NTM: variants seen among roughly 807,000 people sequenced by gnomAD.
NTM encodes the protein neurotrimin.
A neutral mutation model predicts 42.1 loss-of-function variants in NTM; 13 were observed. That is an observed-to-expected ratio of 0.31 (90% CI 0.20 to 0.49). The LOEUF (loss-of-function observed/expected upper bound fraction) is 0.49. Among genes scored for constraint, NTM ranks in the 20% least tolerant of loss-of-function variants. The pLI, the probability that NTM is intolerant of heterozygous loss-of-function variation, is 0.99. For missense variants in NTM, 373 were observed against 452.8 expected (o/e 0.82, Z 1.60); for synonymous variants, 187 against 179.2 (o/e 1.04, Z -0.35).
intron 1 of NTM, among the ~76,000 whole-genome samples, chr11:131,894,610 G>T (rs984878726): frequency 1.3e-5 from 2 of 152,012 alleles, no homozygotes; most frequent in Non-Finnish European, 2.9e-5. Flanking sequence ...TGCACCCTTC[G>T]CTTCCAAACA....
chr11:131,888,342 C>T (rs755516106), intron 1 of NTM, among the ~76,000 whole-genome samples: 12 of 152,198 alleles, frequency 7.9e-5, no homozygotes, highest in East Asian at 1.9e-4. Flanking sequence ...GGATACCACC[C>T]GGCCTGTTTT....
chr11:131,849,809 C>T (rs1156258340), intron 1 of NTM, among the ~76,000 whole-genome samples: 7 of 125,720 alleles, frequency 5.6e-5, no homozygotes, highest in African/African-American at 1.6e-4. Context: ...CATCACACAC[C>T]GGGGACTGTT....
At chr11:131,923,630 A>G (rs2057529792) in intron 2 of NTM, among the ~76,000 whole-genome samples, 1 of 152,218 alleles carries the variant, frequency 6.6e-6, no homozygotes, top group Non-Finnish European at 1.5e-5. Flanking sequence ...TGGAAAATCT[A>G]ATAAACACTG....
At chr11:131,677,518 G>A (rs190620073) in intron 1 of NTM, among the ~76,000 whole-genome samples, 2 of 152,188 alleles carry the variant, frequency 1.3e-5, no homozygotes, top group Non-Finnish European at 2.9e-5. Context: ...CAGGCAGGAC[G>A]GCTGCATACG....
At chr11:132,128,772 A>T (rs754816297) in intron 2 of NTM, among the ~76,000 whole-genome samples, 3 of 151,558 alleles carry the variant, frequency 2.0e-5, no homozygotes, top group Non-Finnish European at 2.9e-5. Context: ...AATAAAAAAT[A>T]AAAAAATAAA....
At chr11:132,292,401 C>T (rs1162032733) in intron 4 of NTM, among the ~76,000 whole-genome samples, 7 of 152,274 alleles carry the variant, frequency 4.6e-5, no homozygotes, top group Admixed American at 3.3e-4. Flanking sequence ...TATTCTCCCT[C>T]CTCCGGCCCC....
At chr11:132,078,725 T>C (rs2058669293) in intron 2 of NTM, among the ~76,000 whole-genome samples, 1 of 152,212 alleles carries the variant, frequency 6.6e-6, no homozygotes, top group Admixed American at 6.5e-5. Context: ...TTTAGATGCA[T>C]TCAAATTTCA....
Position 131,686,566 on chromosome 11 carries a change from G to A in NTM, c.83-224998G>A, listed in dbSNP as rs960156003. On this transcript the variant is annotated intron_variant, in intron 1 of 8. Transcript: ENST00000683400. ...TCGGTCCTGCTGTCTCAAGGGTGGC[G>A]GAGGCAGAAGAGGAGGAGGCAGGAA... 3.3e-5 allele frequency among the ~76,000 whole-genome samples: 5 copies of A among 152,292 alleles called. No individual in the cohort carries two copies. The South Asian group carries it at 8.3e-4, about 25-fold the overall frequency.
intron 1 of NTM, among the ~76,000 whole-genome samples, chr11:131,495,036 A>G (rs1955188787): frequency 6.6e-6 from 1 of 152,208 alleles, no homozygotes; most frequent in Non-Finnish European, 1.5e-5. Flanking sequence ...TGGTTCATTG[A>G]CTATTATTTG....
intron 4 of NTM, among the ~76,000 whole-genome samples, chr11:132,305,167 T>C (rs2095032787): frequency 6.6e-6 from 1 of 152,266 alleles, no homozygotes; most frequent in African/African-American, 2.4e-5. Flanking sequence ...TCCATTTGGA[T>C]GTCCATGACA....
At chr11:131,989,558 C>G (rs1565894460) in intron 2 of NTM, among the ~76,000 whole-genome samples, 1 of 152,260 alleles carries the variant, frequency 6.6e-6, no homozygotes, top group East Asian at 1.9e-4. Context: ...GAGGAAATGA[C>G]ATCAGTTAAT....
intron 1 of NTM, among the ~76,000 whole-genome samples, chr11:131,475,872 GA>G (rs1226746873): frequency 1.3e-5 from 2 of 152,050 alleles, no homozygotes; most frequent in Admixed American, 1.3e-4. Flanking sequence ...AGATTGGGAA[GA>G]GAAAAAAAGA....
At chr11:131,604,275 G>A (rs1055664689) in intron 1 of NTM, among the ~76,000 whole-genome samples, 6 of 152,080 alleles carry the variant, frequency 3.9e-5, no homozygotes, top group South Asian at 2.1e-4. Flanking sequence ...TCCCTAATGA[G>A]TAATGATGCA....
chr11:131,499,534 C>A (rs201403524), intron 1 of NTM, among the ~76,000 whole-genome samples: 1 of 152,218 alleles, frequency 6.6e-6, no homozygotes, highest in African/African-American at 2.4e-5. Flanking sequence ...CACACCATGA[C>A]GAAGGTGCTT....
At chr11:131,488,569 T>C (rs1214697015) in intron 1 of NTM, among the ~76,000 whole-genome samples, 1 of 152,280 alleles carries the variant, frequency 6.6e-6, no homozygotes, top group Middle Eastern at 3.4e-3. Flanking sequence ...AAAAGGGATA[T>C]AGTTTCCACT....
At chr11:131,679,536 GC>G (rs927780544) in intron 1 of NTM, among the ~76,000 whole-genome samples, 2 of 151,994 alleles carry the variant, frequency 1.3e-5, no homozygotes, top group African/African-American at 4.8e-5. Context: ...CGGGCATGCT[GC>G]CTGCCCAGCT....
intron 1 of NTM, among the ~76,000 whole-genome samples, chr11:131,873,790 A>T (rs2048148327): frequency 4.2e-5 from 6 of 142,888 alleles, no homozygotes; most frequent in African/African-American, 1.5e-4. Flanking sequence ...AGGAAACAAC[A>T]GGTGCTATCT....
chr11:132,234,621 C>T (rs963609327), intron 4 of NTM, among the ~76,000 whole-genome samples: 2 of 152,070 alleles, frequency 1.3e-5, no homozygotes, highest in Admixed American at 6.6e-5. Context: ...CCCGTAATTA[C>T]GATTTCATAA....
intron 1 of NTM, among the ~76,000 whole-genome samples, chr11:131,516,199 C>T (rs1167821561): frequency 3.3e-5 from 5 of 152,092 alleles, no homozygotes; most frequent in East Asian, 1.9e-4. Context: ...ATTATCTCAT[C>T]GATTTACACA....
Sources: gnomAD v4.1 joint callset for allele counts (sites outside exome capture counted in the v4.1 genomes callset) on GRCh38, gnomAD v4.1.1 for gene constraint, MANE v1.5 for transcripts, NCBI Gene and HGNC (gene_info 2026-07-23, HGNC 2026-07-21) for gene names.